CHD5: variants seen among roughly 807,000 people sequenced by gnomAD.
CHD5 encodes the protein chromodomain helicase DNA binding protein 5.
Under a neutral mutation model 230.3 loss-of-function variants are expected in CHD5, and 69 were observed. That is an observed-to-expected ratio of 0.30 (90% CI 0.25 to 0.37). The LOEUF is 0.37. Among genes scored for constraint, CHD5 ranks in the 10% least tolerant of loss-of-function variants. The probability of loss-of-function intolerance (pLI) is 1.00; values close to 1 mark genes in which losing one functional copy is unlikely to be tolerated. For missense variants in CHD5, 1,827 were observed against 2,622.8 expected, an observed-to-expected ratio of 0.70 and a Z score of 6.63; for synonymous variants, 1,064 against 1,065.9, an observed-to-expected ratio of 1.00 and a Z score of 0.03.
intron 33 of CHD5, among the ~76,000 whole-genome samples, chr1:6,115,787 C>T (rs1343576347): frequency 2.6e-5 from 4 of 152,186 alleles, no homozygotes; most frequent in African/African-American, 9.7e-5. Context: ...ATATCCTGAG[C>T]AGAACACCCA....
intron 5 of CHD5, among the ~76,000 whole-genome samples, chr1:6,152,862 C>A (rs979354950): frequency 6.8e-4 from 104 of 152,378 alleles, no homozygotes; most frequent in African/African-American, 2.4e-3. Flanking sequence ...AGCCATCCCC[C>A]ACAGCCAGCA....
chr1:6,128,780 G>T lies in CHD5; in HGVS notation c.3619+58C>A. On this transcript the variant is annotated intron_variant, in intron 23 of 41. Transcript: ENST00000262450. This position sits in a 1 kb window ranked among gnomAD's most constrained non-coding sequence, Gnocchi z 7.8. ...CAGGGACCCAAGCAAGCCCTGGATG[G>T]GTGTCTCAGCCGGGCCACCCCAGTC... 1 of 1,462,052 alleles carries T rather than the reference G, an allele frequency of 6.8e-7. No individual in the cohort carries two copies. Among genetic ancestry groups the T allele is most frequent in the Non-Finnish European group, 9.5e-7 (1 of 1,050,376 alleles). 90.6% of individuals were successfully genotyped at this position (1,462,052 alleles called of 1,614,324 possible). A position where few individuals can be genotyped will look rare whatever the true frequency, so the allele number is the denominator to read the frequency against.
rs373730747 is a variant in CHD5 at position 6,142,015 on chromosome 1, G to A, written c.2436+113C>T. On this transcript the variant is annotated intron_variant, in intron 15 of 41. Transcript: ENST00000262450. This position sits in a 1 kb window ranked among gnomAD's most constrained non-coding sequence, Gnocchi z 5.2. ...TAGGACAAGCCCCTCAGAGCCTGCC[G>A]GCCTCGGTAGCCCTCCCAGGCTGAG... is the stretch of plus-strand genomic sequence containing the variant. The A allele has an allele frequency of 4.3e-5, 39 of 903,520 alleles. No individual in the cohort carries two copies. Among genetic ancestry groups the A allele is most frequent in the African/African-American group, 1.1e-4 (7 of 60,888 alleles). The allele number at this position is 903,520 out of a possible 1,614,324, so 56.0% of individuals were successfully genotyped here.
intron 1 of CHD5, among the ~76,000 whole-genome samples, chr1:6,177,514 T>C (rs1667444687): frequency 6.6e-6 from 1 of 152,146 alleles, no homozygotes; most frequent in South Asian, 2.1e-4. Flanking sequence ...GTTTCGAGTA[T>C]GTGAGGTGTG....
chr1:6,162,102 C>A (rs1304681440), intron 2 of CHD5, among the ~76,000 whole-genome samples: 1 of 151,946 alleles, frequency 6.6e-6, no homozygotes, highest in Non-Finnish European at 1.5e-5. Context: ...TGCCTTGAGG[C>A]TGGGCGCGGT....
intron 15 of CHD5, among the ~76,000 whole-genome samples, chr1:6,140,822 A>G (rs1326260912): frequency 6.6e-6 from 1 of 151,992 alleles, no homozygotes; most frequent in African/African-American, 2.4e-5. Flanking sequence ...CAACATACGG[A>G]GAATCCATCT....
At chr1:6,172,520 T>C (rs571924184) in intron 1 of CHD5, among the ~76,000 whole-genome samples, 7 of 152,168 alleles carry the variant, frequency 4.6e-5, no homozygotes, top group Non-Finnish European at 8.8e-5. Flanking sequence ...CATCTGCAGA[T>C]TGGGAAACTG....
intron 1 of CHD5, among the ~76,000 whole-genome samples, chr1:6,169,121 G>A (rs1667297839): frequency 6.6e-6 from 1 of 152,050 alleles, no homozygotes; most frequent in African/African-American, 2.4e-5. Flanking sequence ...CAGCAAGGAA[G>A]ATGCCAGGAT....
In CHD5 at chr1:6,106,230, T is replaced by C; in HGVS notation, c.*46+4A>G. The C allele has an allele frequency of 6.2e-7, 1 of 1,612,138 alleles. No individual in the cohort carries two copies. The highest frequency in any genetic ancestry group is 8.5e-7 in the Non-Finnish European group (1 of 1,179,428). ...GGAGGAACACAGCACCCAGCAGCCC[T>C]CACCTCAGCTGGAAATGAGCGCTGC... On this transcript the variant is annotated splice_donor_region_variant and intron_variant, in intron 41 of 41. Transcript: ENST00000262450.
Position 6,148,915 on chromosome 1 carries a change from T to A in CHD5, c.1322A>T (p.His441Leu). 6.3e-7 allele frequency: 1 copy of A among 1,592,164 alleles called. No homozygotes were observed. The highest frequency in any genetic ancestry group is 2.3e-5 in the East Asian group (1 of 44,208). Residue 441 changes from histidine (H) to leucine (L), a missense_variant, in exon 9 of 42, where the codon CAT (histidine) becomes CTT (leucine). Physicochemically the swap from His to Leu is moderately conservative, Grantham distance 99. This residue lies in a region of CHD5 where 657 missense variants were observed against 816.4 expected (regional missense o/e 0.80). Transcript: ENST00000262450. ...CTCGGGCAGCGGCGGGTTGAGGCAATGCAGGTGGTAGGAGGAGGGGCAGGC... is the reference window on the plus strand; with the variant it reads ...CTCGGGCAGCGGCGGGTTGAGGCAAAGCAGGTGGTAGGAGGAGGGGCAGGC... ...CDACPSSYHL[H>L]CLNPPLPEIP...
rs555573193 is a variant in CHD5, at chr1:6,121,384, G to C, written c.4779+110C>G. 33 of 1,495,642 alleles carry C rather than the reference G, an allele frequency of 2.2e-5. No individual in the cohort carries two copies. The Admixed American group carries it at 5.1e-4, about 23-fold the overall frequency. 92.6% of individuals were successfully genotyped at this position (1,495,642 alleles called of 1,614,324 possible). On this transcript the variant is annotated intron_variant, in intron 32 of 41. Coordinates refer to ENST00000262450, the MANE Select transcript of CHD5 (RefSeq NM_015557.3). The surrounding 1 kb of genome is among the most constrained non-coding windows in gnomAD (Gnocchi z 4.5). ...CCCCGCCGATTCAGAGCCCCGAAAA[G>C]GGAGCCAGGAGGCCTGGGTTCCACC...
intron 7 of CHD5, 22 bp downstream of exon 7, chr1:6,151,010 C>G (rs747735275): frequency 6.6e-6 from 10 of 1,514,052 alleles, no homozygotes; most frequent in Non-Finnish European, 8.9e-6. Context: ...AGGCCAAGAA[C>G]TCTCTGGAAG....
chr1:6,143,530 C>G (rs963273805), intron 13 of CHD5, among the ~76,000 whole-genome samples: 18 of 152,210 alleles, frequency 1.2e-4, no homozygotes, highest in Non-Finnish European at 4.4e-5. Flanking sequence ...CACTGGCCCT[C>G]GTCTCCTCAG....
chr1:6,147,772 A>T (rs980325509), intron 9 of CHD5, among the ~76,000 whole-genome samples: 1 of 152,194 alleles, frequency 6.6e-6, no homozygotes, highest in African/African-American at 2.4e-5. Context: ...ACCTGAAGGC[A>T]TTCTGGAGGT....
rs1473093833 is a variant in CHD5 at position 6,127,031 on chromosome 1, T to C, written c.3904-285A>G. 6.7e-6 allele frequency: 3 copies of C among 447,530 alleles called. No individual in the cohort carries two copies. The East Asian group carries it at 1.4e-4, about 20-fold the overall frequency. The allele number at this position is 447,530 out of a possible 1,614,324, so 27.7% of individuals were successfully genotyped here. A position where few individuals can be genotyped will look rare whatever the true frequency, so the allele number is the denominator to read the frequency against. ...GGTACTGAGTTGAATAAGCTCCCCC[T>C]TGCCTGCCCTCAGGAGGCTCCTGGT... On this transcript the variant is annotated intron_variant, in intron 25 of 41. Coordinates refer to ENST00000262450, the MANE Select transcript of CHD5 (RefSeq NM_015557.3).
chr1:6,164,072 G>A (rs913535218), intron 2 of CHD5, among the ~76,000 whole-genome samples: 2 of 152,242 alleles, frequency 1.3e-5, no homozygotes, highest in Admixed American at 6.5e-5. Context: ...CACAGCATGT[G>A]GTCGCAGCCC....
chr1:6,161,097 G>A (rs535421731), intron 2 of CHD5, among the ~76,000 whole-genome samples: 8 of 152,282 alleles, frequency 5.3e-5, no homozygotes, highest in Admixed American at 3.3e-4. Context: ...AACAGCAGTG[G>A]CCAGGAGGGA....
At chr1:6,174,090 G>A (rs1667381533) in intron 1 of CHD5, among the ~76,000 whole-genome samples, 1 of 151,956 alleles carries the variant, frequency 6.6e-6, no homozygotes, top group South Asian at 2.1e-4. Context: ...GGGCATGGGT[G>A]GGGAGGAGGA....
At chr1:6,175,233 G>T (rs1482508114) in intron 1 of CHD5, among the ~76,000 whole-genome samples, 1 of 150,796 alleles carries the variant, frequency 6.6e-6, no homozygotes, top group East Asian at 2.0e-4. Context: ...TGCGTGGTTG[G>T]ATTGTGGATT....
Sources: gnomAD v4.1 joint callset for allele counts (sites outside exome capture counted in the v4.1 genomes callset) on GRCh38, gnomAD v4.1.1 for gene constraint, gnomAD v4.1.1 regional missense constraint, Gnocchi (gnomAD v3.1) non-coding constraint, MANE v1.5 for transcripts, NCBI Gene and HGNC (gene_info 2026-07-23, HGNC 2026-07-21) for gene names.